Variants in LRP1B observed in about 807,000 individuals in gnomAD.
LRP1B encodes the protein LDL receptor related protein 1B, also known as low-density lipoprotein receptor-related protein 1B.
LRP1B carries 217 observed loss-of-function variants against 556.6 expected under a neutral mutation model. That is an observed-to-expected ratio of 0.39 (90% CI 0.35 to 0.44). The LOEUF (loss-of-function observed/expected upper bound fraction) is 0.44. Among genes scored for constraint, LRP1B ranks in the 20% least tolerant of loss-of-function variants. The pLI is 1.00. For missense variants in LRP1B, 5,053 were observed against 5,620.8 expected (o/e 0.90, Z 3.23); for synonymous variants, 2,047 against 1,865.8 (o/e 1.10, Z -2.50).
At chr2:141,799,151 CTA>C (rs1016940908) in intron 2 of LRP1B, among the ~76,000 whole-genome samples, 8 of 152,082 alleles carry the variant, frequency 5.3e-5, no homozygotes, top group African/African-American at 1.7e-4. Context: ...GACGAATACG[CTA>C]TGTTAGTTGG....
At chr2:141,147,521 T>A (rs946355900) in intron 7 of LRP1B, among the ~76,000 whole-genome samples, 3 of 152,206 alleles carry the variant, frequency 2.0e-5, no homozygotes, top group South Asian at 2.1e-4. Context: ...GCATTTTTTT[T>A]AATAAATAAA....
intron 42 of LRP1B, among the ~76,000 whole-genome samples, chr2:140,600,934 T>C (rs1017409620): frequency 6.6e-6 from 1 of 151,858 alleles, no homozygotes; most frequent in Non-Finnish European, 1.5e-5. Flanking sequence ...GTACAATATA[T>C]CATCAAACAG....
chr2:141,445,386 T>C (rs371265658), intron 3 of LRP1B, among the ~76,000 whole-genome samples: 2 of 152,220 alleles, frequency 1.3e-5, no homozygotes, highest in East Asian at 1.9e-4. Flanking sequence ...CCTGCATTCA[T>C]TGAATTTTTG....
chr2:140,647,586 C>G (rs1349817171), intron 41 of LRP1B, among the ~76,000 whole-genome samples: 1 of 152,206 alleles, frequency 6.6e-6, no homozygotes, highest in African/African-American at 2.4e-5. Flanking sequence ...TAACCATGCA[C>G]TGGGCACAAG....
chr2:140,333,837 G>T (rs979128142), intron 79 of LRP1B, among the ~76,000 whole-genome samples: 2 of 151,838 alleles, frequency 1.3e-5, no homozygotes, highest in African/African-American at 4.8e-5. Context: ...CCAGATGGGG[G>T]AGCTGGGAGA....
rs1359972879 is a variant in LRP1B at position 140,851,688 on chromosome 2, A to G, written c.4675T>C (p.Leu1559=). ...TTCTTGTCTGAAGAAAGCTTCATCA[A>G]GTGGGGGCACGCACAGGCAGCACTC... is the stretch of plus-strand genomic sequence containing the variant. ...NRSAACACPH[L]MKLSSDKKTC... is the part of the protein sequence containing the mutation. Residue 1559 remains leucine, a synonymous_variant, in exon 28 of 91, where the codon TTG becomes CTG. Coordinates refer to ENST00000389484, the MANE Select transcript of LRP1B (RefSeq NM_018557.3). 2 of 1,611,808 alleles carry G rather than the reference A, an allele frequency of 1.2e-6. No individual in the cohort carries two copies. The highest frequency in any genetic ancestry group is 2.2e-5 in the South Asian group (2 of 90,484).
At chr2:141,920,996 C>A (rs1344847855) in intron 1 of LRP1B, among the ~76,000 whole-genome samples, 2 of 151,976 alleles carry the variant, frequency 1.3e-5, no homozygotes, top group Non-Finnish European at 2.9e-5. Context: ...CATGAACATT[C>A]CTTCATCCTA....
At chr2:140,986,375 G>A (rs1696927125) in intron 17 of LRP1B, among the ~76,000 whole-genome samples, 1 of 152,034 alleles carries the variant, frequency 6.6e-6, no homozygotes. Flanking sequence ...CATAGAAATA[G>A]AATTACAAAG....
chr2:140,598,854 G>GT lies in LRP1B; in HGVS notation c.6990-20dup. 6.7e-7 allele frequency: 1 copy of GT among 1,500,434 alleles called. No individual in the cohort carries two copies. The highest frequency in any genetic ancestry group is 9.3e-7 in the Non-Finnish European group (1 of 1,080,238). The allele number at this position is 1,500,434 out of a possible 1,614,324, so 92.9% of individuals were successfully genotyped here. A position where few individuals can be genotyped will look rare whatever the true frequency, so the allele number is the denominator to read the frequency against. On this transcript the variant is annotated intron_variant, in intron 42 of 90. Coordinates refer to ENST00000389484, the MANE Select transcript of LRP1B (RefSeq NM_018557.3). ...CATTAAACTAATTAAAATGAAAATT[G>GT]TAACTATAAATTAAACTTCTCATCA... is the stretch of plus-strand genomic sequence containing the variant.
intron 48 of LRP1B, 54 bp downstream of exon 48, chr2:140,526,183 G>T: frequency 6.5e-7 from 1 of 1,528,448 alleles, no homozygotes; most frequent in Non-Finnish European, 9.1e-7. Context: ...AGTGTTCAAT[G>T]CAATGCCAAA....
intron 1 of LRP1B, among the ~76,000 whole-genome samples, chr2:142,038,597 G>C (rs1461070652): frequency 6.6e-6 from 1 of 151,454 alleles, no homozygotes; most frequent in Non-Finnish European, 1.5e-5. Context: ...GACATGGGAG[G>C]GGTGGTTCTT....
intron 60 of LRP1B, among the ~76,000 whole-genome samples, chr2:140,458,376 A>G (rs1444241532): frequency 2.6e-5 from 4 of 152,178 alleles, no homozygotes; most frequent in African/African-American, 9.6e-5. Flanking sequence ...CACAAATGTG[A>G]ATTACTCATT....
chr2:140,358,013 G>A lies in LRP1B; in HGVS notation c.11361C>T (p.Cys3787=), dbSNP rs35757222. Residue 3787 remains cysteine, a synonymous_variant, in exon 74 of 91, where the codon TGC becomes TGT. Coordinates refer to ENST00000389484, the MANE Select transcript of LRP1B (RefSeq NM_018557.3). ...ATCCTTGCTCATCTGAACCATCTCCGCAGTCATCAAGTCGATCACACTGGA... is the reference window on the plus strand; with the variant it reads ...ATCCTTGCTCATCTGAACCATCTCCACAGTCATCAAGTCGATCACACTGGA... ...MDLQCDRLDD[C]GDGSDEQGCR... 1,330 of 1,611,100 alleles carry A rather than the reference G, an allele frequency of 8.3e-4. 8 individuals carry two copies. In the African/African-American group the frequency reaches 9.8e-3, roughly 12 times the overall value.
At chr2:142,121,470 A>G (rs1349923114) in intron 1 of LRP1B, among the ~76,000 whole-genome samples, 1 of 152,112 alleles carries the variant, frequency 6.6e-6, no homozygotes, top group African/African-American at 2.4e-5. Context: ...ATTTCAGACA[A>G]AGTGACCTGC....
chr2:142,130,628 C>G lies in LRP1B; in HGVS notation c.82+20G>C. On this transcript the variant is annotated intron_variant, in intron 1 of 90. Transcript: ENST00000389484. ...AGCCAAGGAAGTCAGGGGAGGGGAG[C>G]GGGGAGGTGTTCTCCTTACCTCGGT... The G allele has an allele frequency of 1.3e-6, 2 of 1,593,602 alleles. No individual in the cohort carries two copies. The highest frequency in any genetic ancestry group is 1.7e-6 in the Non-Finnish European group (2 of 1,166,672).
intron 21 of LRP1B, among the ~76,000 whole-genome samples, chr2:140,920,171 C>T (rs1694695679): frequency 2.0e-5 from 3 of 151,988 alleles, no homozygotes; most frequent in African/African-American, 7.2e-5. Context: ...CTTTTCCCCA[C>T]TTATAATACA....
chr2:140,867,082 CA>C (rs1467244983), intron 27 of LRP1B, among the ~76,000 whole-genome samples: 2 of 151,848 alleles, frequency 1.3e-5, no homozygotes, highest in African/African-American at 4.8e-5. Context: ...CCCAGTGGGG[CA>C]AAAAGTGAGA....
At chr2:141,765,092 T>TACAA (rs1553461072) in intron 2 of LRP1B, among the ~76,000 whole-genome samples, 3,078 of 89,084 alleles carry the variant, frequency 0.035, 122 homozygotes, top group African/African-American at 0.093. Context: ...TGCCATTTCA[T>TACAA]ACAAACAAAC....
rs550723899 is a variant in LRP1B, at chr2:140,651,962, T to C, written c.6799+48288A>G. On this transcript the variant is annotated intron_variant, in intron 41 of 90. Coordinates refer to ENST00000389484, the MANE Select transcript of LRP1B (RefSeq NM_018557.3). ...ATTCTAAAGGCTTAGGAAAACAATA[T>C]GTTTCTTGAATATGGGTAAGCACAA... Among the ~76,000 whole-genome samples the C allele has an allele frequency of 3.3e-5, 5 of 152,256 alleles. No individual in the cohort carries two copies. In the South Asian group the frequency reaches 1.0e-3, roughly 32 times the overall value.
Sources: allele counts gnomAD v4.1 joint callset (sites outside exome capture counted in the v4.1 genomes callset), GRCh38; gene constraint gnomAD v4.1.1; transcripts MANE v1.5; gene names NCBI Gene and HGNC (gene_info 2026-07-23, HGNC 2026-07-21).